The following FBXL7 variants were observed in gnomAD, a reference collection of about 807,000 sequenced individuals.
FBXL7 encodes the protein F-box/LRR-repeat protein 7.
In FBXL7, 12 loss-of-function variants were observed where a neutral mutation model predicts 38.3. The observed-to-expected ratio is 0.31, with a 90% CI of 0.20 to 0.51. The LOEUF (loss-of-function observed/expected upper bound fraction) is 0.51. FBXL7 is among the 20% of genes least tolerant of loss of function. The pLI, the probability that FBXL7 is intolerant of heterozygous loss-of-function variation, is 0.98. For missense variants in FBXL7, 567 were observed against 676.4 expected (o/e 0.84, Z 1.79); for synonymous variants, 297 against 300.9 (o/e 0.99, Z 0.13).
intron 2 of FBXL7, among the ~76,000 whole-genome samples, chr5:15,849,807 C>G (rs990602627): frequency 6.6e-6 from 1 of 152,156 alleles, no homozygotes; most frequent in Non-Finnish European, 1.5e-5. Flanking sequence ...AAATTCATAC[C>G]TGTAAAAATG....
At chr5:15,752,433 T>C (rs1041053926) in intron 2 of FBXL7, among the ~76,000 whole-genome samples, 8 of 152,158 alleles carry the variant, frequency 5.3e-5, no homozygotes, top group Admixed American at 5.2e-4. Context: ...CAGGTAGTTT[T>C]CATGGGGAGA....
intron 2 of FBXL7, among the ~76,000 whole-genome samples, chr5:15,771,899 C>T (rs143612391): frequency 0.018 from 2,671 of 150,764 alleles, 76 homozygotes; most frequent in African/African-American, 0.063. Context: ...TCTCAAGTAG[C>T]TGGTATTACA....
chr5:15,713,563 T>C lies in FBXL7; in HGVS notation c.127+97491T>C, dbSNP rs556491066. Reference sequence around the variant, plus strand: ...CTTTTTGTTGGCATTCATGATACCCTGTCTTATAGGTTTATATTGGTGAAG... The same window carrying C: ...CTTTTTGTTGGCATTCATGATACCCCGTCTTATAGGTTTATATTGGTGAAG... On this transcript the variant is annotated intron_variant, in intron 2 of 3. Transcript: ENST00000504595. Among the ~76,000 whole-genome samples, 19 of 152,336 alleles carry C rather than the reference T, an allele frequency of 1.2e-4. No homozygotes were observed. The South Asian group carries it at 3.5e-3, about 28-fold the overall frequency.
At chr5:15,892,928 T>C (rs954602049) in intron 2 of FBXL7, among the ~76,000 whole-genome samples, 5 of 152,026 alleles carry the variant, frequency 3.3e-5, no homozygotes, top group Admixed American at 2.0e-4. Context: ...CCATCCTGGC[T>C]AACAGGGTGA....
intron 2 of FBXL7, among the ~76,000 whole-genome samples, chr5:15,623,601 A>G (rs928326761): frequency 5.3e-5 from 8 of 152,152 alleles, no homozygotes; most frequent in African/African-American, 1.7e-4. Context: ...TGTTGTCCTT[A>G]TATCTTTATA....
chr5:15,564,773 T>C (rs936247749), intron 1 of FBXL7, among the ~76,000 whole-genome samples: 5 of 152,140 alleles, frequency 3.3e-5, no homozygotes, highest in African/African-American at 9.7e-5. Context: ...CAGAGTTGTG[T>C]GTATGGATAT....
At chr5:15,931,256 G>A (rs559356673) in intron 3 of FBXL7, among the ~76,000 whole-genome samples, 2 of 152,276 alleles carry the variant, frequency 1.3e-5, no homozygotes, top group African/African-American at 4.8e-5. Flanking sequence ...TGTGAAAGCT[G>A]TATGAAATCT....
chr5:15,576,072 CTTTTTTTTTTTTTT>C (rs35832237), intron 1 of FBXL7, among the ~76,000 whole-genome samples: 3 of 74,260 alleles, frequency 4.0e-5, no homozygotes, highest in South Asian at 5.8e-4. Context: ...GAATCTCATT[CTTTTTTTTTTTTTT>C]TTTTTTTTTT....
intron 1 of FBXL7, 25 bp downstream of exon 1, chr5:15,500,738 C>T (rs2126337779): frequency 1.2e-6 from 2 of 1,602,618 alleles, no homozygotes; most frequent in East Asian, 4.6e-5. Flanking sequence ...CGTCCTCAGA[C>T]TCCCGGATCG....
chr5:15,624,144 A>C (rs1469353184), intron 2 of FBXL7, among the ~76,000 whole-genome samples: 1 of 152,194 alleles, frequency 6.6e-6, no homozygotes, highest in African/African-American at 2.4e-5. Flanking sequence ...TCTGTGATCC[A>C]TATAGGGTCT....
At chr5:15,605,206 C>T (rs1739964294) in intron 1 of FBXL7, among the ~76,000 whole-genome samples, 1 of 152,154 alleles carries the variant, frequency 6.6e-6, no homozygotes, top group Non-Finnish European at 1.5e-5. Flanking sequence ...AGCCACAGAG[C>T]TGGATCTGAT....
intron 2 of FBXL7, among the ~76,000 whole-genome samples, chr5:15,673,154 A>G (rs1579366400): frequency 6.6e-6 from 1 of 152,060 alleles, no homozygotes; most frequent in African/African-American, 2.4e-5. Flanking sequence ...CGTCTCCACT[A>G]AAAGTACAAA....
intron 2 of FBXL7, among the ~76,000 whole-genome samples, chr5:15,651,034 C>A (rs1190872048): frequency 6.6e-6 from 1 of 151,584 alleles, no homozygotes; most frequent in African/African-American, 2.4e-5. Flanking sequence ...TTCAGTTTTA[C>A]AGATTCATCA....
intron 1 of FBXL7, among the ~76,000 whole-genome samples, chr5:15,548,745 A>G (rs370587265): frequency 6.6e-6 from 1 of 152,224 alleles, no homozygotes; most frequent in Non-Finnish European, 1.5e-5. Flanking sequence ...GATATTGAGA[A>G]GTATACAATT....
chr5:15,892,201 G>C (rs1740931761), intron 2 of FBXL7, among the ~76,000 whole-genome samples: 1 of 152,232 alleles, frequency 6.6e-6, no homozygotes, highest in African/African-American at 2.4e-5. Context: ...TCCAACCAGA[G>C]GGTAGGTCCT....
chr5:15,589,326 G>A (rs905769122), intron 1 of FBXL7, among the ~76,000 whole-genome samples: 1 of 152,042 alleles, frequency 6.6e-6, no homozygotes, highest in Admixed American at 6.6e-5. Flanking sequence ...GAATCTCGGG[G>A]GTGGATTTCC....
Position 15,899,054 on chromosome 5 carries a change from A to G in FBXL7, c.128-28836A>G, listed in dbSNP as rs184563519. Among the ~76,000 whole-genome samples, 468 of 152,238 alleles carry G rather than the reference A, an allele frequency of 3.1e-3. 3 individuals are homozygous for G. The highest frequency in any genetic ancestry group is 0.011 in the African/African-American group (454 of 41,526). On this transcript the variant is annotated intron_variant, in intron 2 of 3. Transcript: ENST00000504595. ...ATATATTTATACACACATTCTATCA[A>G]TCATTACAAAATATATATATATATT...
chr5:15,749,004 G>C (rs1009825783), intron 2 of FBXL7, among the ~76,000 whole-genome samples: 19 of 151,638 alleles, frequency 1.3e-4, no homozygotes, highest in African/African-American at 4.4e-4. Context: ...CAGCACTTTA[G>C]GAGGCTGAGT....
intron 2 of FBXL7, among the ~76,000 whole-genome samples, chr5:15,799,766 T>C (rs1372159536): frequency 6.6e-6 from 1 of 152,160 alleles, no homozygotes; most frequent in Non-Finnish European, 1.5e-5. Flanking sequence ...CTACACGGAT[T>C]AGCAGCAAGT....
Sources: allele counts gnomAD v4.1 joint callset (sites outside exome capture counted in the v4.1 genomes callset), GRCh38; gene constraint gnomAD v4.1.1; transcripts MANE v1.5; gene names NCBI Gene and HGNC (gene_info 2026-07-23, HGNC 2026-07-21).